The following MSH3 variants were observed in gnomAD, a reference collection of about 807,000 sequenced individuals.
MSH3 encodes the protein mutS homolog 3, also known as DNA mismatch repair protein Msh3.
Under a neutral mutation model 123.3 loss-of-function variants are expected in MSH3, and 106 were observed. The observed-to-expected ratio is 0.86, with a 90% CI of 0.73 to 1.01. The LOEUF (loss-of-function observed/expected upper bound fraction) is 1.01, where lower values mean the gene tolerates loss of function less well. MSH3 is among the 50% of genes least tolerant of loss of function. The pLI, the probability that MSH3 is intolerant of heterozygous loss-of-function variation, is 0.00. For missense variants in MSH3, 1,459 were observed against 1,347.6 expected (o/e 1.08, Z -1.29); for synonymous variants, 515 against 481.4 (o/e 1.07, Z -0.91).
Position 80,654,898 on chromosome 5 carries a change from C to CCCCA in MSH3, c.171_172insCCCA (p.Ala58ProfsTer28), listed in dbSNP as rs1480663686. 2.1e-5 allele frequency: 17 copies of CCCCA among 819,948 alleles called. No individual in the cohort carries two copies. In the African/African-American group the frequency reaches 4.8e-4, roughly 23 times the overall value. The allele number at this position is 819,948 out of a possible 1,614,324, so 50.8% of individuals were successfully genotyped here. Reference sequence around the variant, plus strand: ...CTGGCGCTGCAGCGGCTGCAGCGGCCGCAGCGGCCGCAGCGCCCCCAGCGC... The same window carrying CCCCA: ...CTGGCGCTGCAGCGGCTGCAGCGGCCCCCAGCAGCGGCCGCAGCGCCCCCAGCGC... On this transcript the variant is annotated frameshift_variant, in exon 1 of 24. Transcript: ENST00000265081. LOFTEE classifies it high-confidence loss of function.
At chr5:80,729,271 C>T (rs1488568510) in intron 10 of MSH3, among the ~76,000 whole-genome samples, 3 of 151,402 alleles carry the variant, frequency 2.0e-5, no homozygotes, top group East Asian at 1.9e-4. Flanking sequence ...AAAAATTAGC[C>T]GGGCGTGGTG....
chr5:80,812,392 C>T (rs1745023351), intron 19 of MSH3, among the ~76,000 whole-genome samples: 1 of 152,050 alleles, frequency 6.6e-6, no homozygotes, highest in African/African-American at 2.4e-5. Flanking sequence ...TTTCATCATA[C>T]CTTTTATTTT....
Position 80,725,458 on chromosome 5 carries a change from A to C in MSH3, c.1346A>C (p.Gln449Pro), listed in dbSNP as rs780395319. 1.2e-6 allele frequency: 2 copies of C among 1,612,374 alleles called. No homozygotes were observed. Among genetic ancestry groups the C allele is most frequent in the Middle Eastern group, 1.7e-4 (1 of 6,060 alleles). ...LIHRATSVSV[Q>P]DDRIRVERMD... ...ATTTTCCTTTTTTCTTTCAGTGTGCAGGATGACAGAATTCGAGTCGAAAGG... is the reference window on the plus strand; with the variant it reads ...ATTTTCCTTTTTTCTTTCAGTGTGCCGGATGACAGAATTCGAGTCGAAAGG... The change falls in exon 9 of 24, where the codon CAG becomes CCG. Residue 449 changes from glutamine (Q) to proline (P), a missense_variant. Transcript: ENST00000265081.
chr5:80,688,087 CTG>C (rs1750134925), intron 8 of MSH3, among the ~76,000 whole-genome samples: 1 of 152,154 alleles, frequency 6.6e-6, no homozygotes, highest in Non-Finnish European at 1.5e-5. Flanking sequence ...TTTACTGAAA[CTG>C]TATGACATTC....
At chr5:80,833,697 T>G (rs1745459757) in intron 20 of MSH3, among the ~76,000 whole-genome samples, 1 of 152,228 alleles carries the variant, frequency 6.6e-6, no homozygotes, top group African/African-American at 2.4e-5. Flanking sequence ...CACGTCAGCC[T>G]CCCAAAGTGC....
At chr5:80,840,642 A>G (rs1016901245) in intron 20 of MSH3, among the ~76,000 whole-genome samples, 2 of 152,124 alleles carry the variant, frequency 1.3e-5, no homozygotes, top group Non-Finnish European at 2.9e-5. Context: ...CATGTGCACA[A>G]CGTACAGGTT....
At chr5:80,733,136 C>T (rs930609546) in intron 10 of MSH3, among the ~76,000 whole-genome samples, 1 of 152,096 alleles carries the variant, frequency 6.6e-6, no homozygotes, top group Non-Finnish European at 1.5e-5. Context: ...GGCATAAGCA[C>T]AGACATGTGA....
At chr5:80,659,587 C>T (rs1749382032) in intron 2 of MSH3, among the ~76,000 whole-genome samples, 1 of 151,502 alleles carries the variant, frequency 6.6e-6, no homozygotes, top group African/African-American at 2.5e-5. Context: ...TACTTCATTC[C>T]CTTTTCTAAA....
intron 13 of MSH3, among the ~76,000 whole-genome samples, chr5:80,761,972 C>T (rs2112880326): frequency 6.6e-6 from 1 of 151,528 alleles, no homozygotes; most frequent in East Asian, 1.9e-4. Flanking sequence ...AGACTATTAT[C>T]AAAATAGGAA....
chr5:80,675,673 G>T (rs1169527707), intron 7 of MSH3, among the ~76,000 whole-genome samples: 1 of 152,146 alleles, frequency 6.6e-6, no homozygotes, highest in Non-Finnish European at 1.5e-5. Flanking sequence ...AGGTTTGGGT[G>T]GGGACACAGC....
chr5:80,685,918 C>T (rs932009319), intron 8 of MSH3, among the ~76,000 whole-genome samples: 3 of 152,118 alleles, frequency 2.0e-5, no homozygotes, highest in Admixed American at 2.0e-4. Context: ...ACTGGCCATT[C>T]AGGAGCATAT....
At chr5:80,866,667 A>T (rs1746103478) in intron 22 of MSH3, among the ~76,000 whole-genome samples, 2 of 152,280 alleles carry the variant, frequency 1.3e-5, no homozygotes, top group African/African-American at 2.4e-5. Context: ...GTGTTAATTG[A>T]GAATCTTCAA....
chr5:80,765,936 T>G (rs1287698711), intron 13 of MSH3, among the ~76,000 whole-genome samples: 1 of 152,210 alleles, frequency 6.6e-6, no homozygotes. Context: ...ATTGGTAGTT[T>G]GGATTGGTAT....
At chr5:80,761,518 G>A (rs370416807) in intron 12 of MSH3, 28 bp from the exon 13 acceptor site, 38 of 1,613,528 alleles carry the variant, frequency 2.4e-5, no homozygotes, top group Admixed American at 3.3e-5. Flanking sequence ...TAACATATCT[G>A]ATTATTGCTA....
In MSH3 at chr5:80,726,812, A is replaced by G. The variant is rs557052603; in HGVS notation, c.1453+1247A>G. Among the ~76,000 whole-genome samples, 20 of 152,276 alleles carry G rather than the reference A, an allele frequency of 1.3e-4. No individual in the cohort carries two copies. In the South Asian group the frequency reaches 3.9e-3, roughly 30 times the overall value. ...AACACCAGTGTTCAGTATTACCGAG[A>G]GGTCATCTTATGTTCAACTAAAGAC... is the stretch of plus-strand genomic sequence containing the variant. On this transcript the variant is annotated intron_variant, in intron 9 of 23. Coordinates refer to ENST00000265081, the MANE Select transcript of MSH3 (RefSeq NM_002439.5).
chr5:80,685,506 T>C (rs1421558256), intron 8 of MSH3, among the ~76,000 whole-genome samples: 2 of 152,098 alleles, frequency 1.3e-5, no homozygotes, highest in East Asian at 1.9e-4. Context: ...GTAGTATCAG[T>C]AGTAATGTCT....
chr5:80,672,776 A>G lies in MSH3; in HGVS notation c.945A>G (p.Leu315=), dbSNP rs1341955319. The change falls in exon 6 of 24, where the codon TTA becomes TTG. Residue 315 remains leucine, a synonymous_variant. Transcript: ENST00000265081. ...TGAAGCAAACTGAAACTGCAGCATT[A>G]AAGGCCATTGGAGACAACAGAAGTT... ...GVVKQTETAA[L]KAIGDNRSSL... 5 of 1,614,170 alleles carry G rather than the reference A, an allele frequency of 3.1e-6. No individual in the cohort carries two copies. The South Asian group carries it at 3.3e-5, about 11-fold the overall frequency.
chr5:80,860,953 A>G (rs1385288304), intron 21 of MSH3, among the ~76,000 whole-genome samples: 1 of 152,150 alleles, frequency 6.6e-6, no homozygotes, highest in Non-Finnish European at 1.5e-5. Context: ...TCTACCAGTA[A>G]GCTCATCAAA....
At chr5:80,677,758 T>C (rs1322441861) in intron 7 of MSH3, among the ~76,000 whole-genome samples, 1 of 152,210 alleles carries the variant, frequency 6.6e-6, no homozygotes, top group Non-Finnish European at 1.5e-5. Flanking sequence ...ATATAGTGTG[T>C]GTATTCTTTT....
Sources: gnomAD v4.1 joint callset for allele counts (sites outside exome capture counted in the v4.1 genomes callset) on GRCh38, gnomAD v4.1.1 for gene constraint, MANE v1.5 for transcripts, NCBI Gene and HGNC (gene_info 2026-07-23, HGNC 2026-07-21) for gene names.